The following PDE4D variants were observed in gnomAD, a reference collection of about 807,000 sequenced individuals.
The protein encoded by PDE4D is phosphodiesterase 4D.
In PDE4D, 24 loss-of-function variants were observed where a neutral mutation model predicts 87.4. That is an observed-to-expected ratio of 0.27 (90% CI 0.20 to 0.39). The LOEUF is 0.39. PDE4D is among the 10% of genes least tolerant of loss of function. The pLI, the probability that PDE4D is intolerant of heterozygous loss-of-function variation, is 1.00. For missense variants in PDE4D, 714 were observed against 1,041.0 expected, an observed-to-expected ratio of 0.69 and a Z score of 4.32; for synonymous variants, 384 against 383.2, an observed-to-expected ratio of 1.00 and a Z score of -0.02.
At chr5:59,170,472 C>A (rs929010822) in intron 5 of PDE4D, among the ~76,000 whole-genome samples, 1 of 152,048 alleles carries the variant, frequency 6.6e-6, no homozygotes, top group Non-Finnish European at 1.5e-5. Context: ...ATTGTTAGGG[C>A]GGGTCTCACC....
At chr5:60,465,716 T>C (rs1747299427) in intron 1 of PDE4D, among the ~76,000 whole-genome samples, 1 of 152,118 alleles carries the variant, frequency 6.6e-6, no homozygotes, top group African/African-American at 2.4e-5. Flanking sequence ...AATTCAAAAA[T>C]GCATTTAATA....
chr5:60,343,361 T>A (rs141468694), intron 1 of PDE4D, among the ~76,000 whole-genome samples: 2 of 152,284 alleles, frequency 1.3e-5, no homozygotes, highest in Non-Finnish European at 2.9e-5. Flanking sequence ...AAAAGGGCTG[T>A]AATTAGAAAC....
intron 3 of PDE4D, among the ~76,000 whole-genome samples, chr5:59,187,455 G>A (rs1743176161): frequency 6.6e-6 from 1 of 152,094 alleles, no homozygotes; most frequent in Admixed American, 6.6e-5. Context: ...TTAACCTGGG[G>A]AGGGACACTC....
At chr5:59,200,761 C>A (rs79073248) in intron 2 of PDE4D, among the ~76,000 whole-genome samples, 1 of 149,764 alleles carries the variant, frequency 6.7e-6, no homozygotes, top group East Asian at 2.0e-4. Context: ...ATATGAAGTA[C>A]ATGCATACAT....
chr5:60,474,704 A>T (rs530782018), intron 1 of PDE4D, among the ~76,000 whole-genome samples: 2 of 152,168 alleles, frequency 1.3e-5, no homozygotes, highest in Non-Finnish European at 2.9e-5. Context: ...ATTCAGACAC[A>T]CTTTCCACTC....
chr5:59,169,497 T>TATTTTGAGAGATAAC (rs1782430107), intron 5 of PDE4D, among the ~76,000 whole-genome samples: 1 of 152,176 alleles, frequency 6.6e-6, no homozygotes, highest in African/African-American at 2.4e-5. Context: ...ATCTTGTATG[T>TATTTTGAGAGATAAC]ATTTTGAGAG....
chr5:59,124,979 TCTTTTC>T (rs1220891908), intron 5 of PDE4D, among the ~76,000 whole-genome samples: 1 of 150,026 alleles, frequency 6.7e-6, no homozygotes, highest in Non-Finnish European at 1.5e-5. Context: ...TCTTTTCTTT[TCTTTTC>T]TTTTTTTTTC....
intron 1 of PDE4D, among the ~76,000 whole-genome samples, chr5:59,722,899 CT>C (rs1488249278): frequency 2.6e-5 from 4 of 152,074 alleles, no homozygotes; most frequent in Admixed American, 2.6e-4. Context: ...CGTGTTTGCC[CT>C]TTTTCTGTTG....
At chr5:59,374,123 T>A (rs181107783) in intron 1 of PDE4D, among the ~76,000 whole-genome samples, 141 of 152,062 alleles carry the variant, frequency 9.3e-4, no homozygotes, top group African/African-American at 3.2e-3. Flanking sequence ...TATAAACAAG[T>A]CTGCAAAATA....
At chr5:59,154,332 TG>T (rs1779862019) in intron 5 of PDE4D, among the ~76,000 whole-genome samples, 1 of 152,232 alleles carries the variant, frequency 6.6e-6, no homozygotes, top group Admixed American at 6.5e-5. Flanking sequence ...TTTGCATGTC[TG>T]TGGGTGTATC....
intron 1 of PDE4D, among the ~76,000 whole-genome samples, chr5:60,217,425 T>C (rs1258591918): frequency 6.6e-6 from 1 of 152,066 alleles, no homozygotes; most frequent in East Asian, 1.9e-4. Flanking sequence ...TGTATGTGAA[T>C]ATTACAATTT....
At chr5:60,123,951 T>C (rs1338702183) in intron 2 of PDE4D, among the ~76,000 whole-genome samples, 1 of 152,114 alleles carries the variant, frequency 6.6e-6, no homozygotes, top group African/African-American at 2.4e-5. Context: ...AATTAAGAGG[T>C]AAAATTAAAA....
chr5:59,719,464 A>T (rs1405272716), intron 1 of PDE4D, among the ~76,000 whole-genome samples: 1 of 152,178 alleles, frequency 6.6e-6, no homozygotes, highest in African/African-American at 2.4e-5. Flanking sequence ...TTTGCATTTC[A>T]TATAATTTAT....
At chr5:60,345,435 G>A (rs1283493449) in intron 1 of PDE4D, among the ~76,000 whole-genome samples, 1 of 147,260 alleles carries the variant, frequency 6.8e-6, no homozygotes, top group Non-Finnish European at 1.5e-5. Context: ...ACCCTAGAAC[G>A]TAAAGTATAA....
At chr5:59,594,300 A>AT in intron 1 of PDE4D, among the ~76,000 whole-genome samples, 1 of 127,592 alleles carries the variant, frequency 7.8e-6, no homozygotes, top group African/African-American at 3.4e-5. Context: ...TATTTTATTT[A>AT]TTTATTTATT....
At chr5:59,275,817 G>A (rs1462317549) in intron 1 of PDE4D, 2 of 986,632 alleles carry the variant, frequency 2.0e-6, no homozygotes, top group African/African-American at 3.5e-5. Flanking sequence ...TAGAGAGAGA[G>A]AAAAAGAAAA....
At chr5:59,863,128 G>A (rs1046217913) in intron 1 of PDE4D, among the ~76,000 whole-genome samples, 12 of 152,094 alleles carry the variant, frequency 7.9e-5, no homozygotes, top group Admixed American at 1.3e-4. Flanking sequence ...TACATTTTAT[G>A]CTACCTATTT....
intron 1 of PDE4D, among the ~76,000 whole-genome samples, chr5:59,673,784 A>G (rs940264100): frequency 6.6e-6 from 1 of 152,224 alleles, no homozygotes; most frequent in Non-Finnish European, 1.5e-5. Flanking sequence ...TGCTATATGC[A>G]CCATCCTGCA....
chr5:59,769,846 A>AT (rs1281343539), intron 1 of PDE4D, among the ~76,000 whole-genome samples: 1 of 151,914 alleles, frequency 6.6e-6, no homozygotes. Flanking sequence ...TCCAGAAAAA[A>AT]AAAAATGGAG....
Sources: allele counts gnomAD v4.1 joint callset (sites outside exome capture counted in the v4.1 genomes callset), GRCh38; gene constraint gnomAD v4.1.1; transcripts MANE v1.5; gene names NCBI Gene and HGNC (gene_info 2026-07-23, HGNC 2026-07-21).